The following ZZZ3 variants were observed in gnomAD, a reference collection of about 807,000 sequenced individuals.
ZZZ3 encodes the protein ZZ-type zinc finger-containing protein 3.
In ZZZ3, 22 loss-of-function variants were observed where a neutral mutation model predicts 95.2. The ratio of observed to expected loss-of-function variants is 0.23; its 90% confidence interval spans 0.17 to 0.33. The LOEUF (loss-of-function observed/expected upper bound fraction) is 0.33, where lower values mean the gene tolerates loss of function less well. Among genes scored for constraint, ZZZ3 ranks in the 10% least tolerant of loss-of-function variants. The pLI, the probability that ZZZ3 is intolerant of heterozygous loss-of-function variation, is 1.00. For missense variants in ZZZ3, 885 were observed against 1,066.5 expected (o/e 0.83, Z 2.37); for synonymous variants, 335 against 358.9 (o/e 0.93, Z 0.75).
chr1:77,671,634 T>G (rs1671792329), intron 1 of ZZZ3, among the ~76,000 whole-genome samples: 1 of 152,184 alleles, frequency 6.6e-6, no homozygotes, highest in African/African-American at 2.4e-5. Context: ...AGTAACCCTC[T>G]GTATAAGGTT....
intron 6 of ZZZ3, among the ~76,000 whole-genome samples, chr1:77,582,348 G>A (rs1258382622): frequency 5.3e-5 from 8 of 152,016 alleles, no homozygotes; most frequent in African/African-American, 1.9e-4. Flanking sequence ...ACCTAAGTAC[G>A]ACTTCTAGTT....
intron 5 of ZZZ3, among the ~76,000 whole-genome samples, chr1:77,606,130 C>G (rs1665209574): frequency 6.6e-6 from 1 of 152,124 alleles, no homozygotes; most frequent in African/African-American, 2.4e-5. Flanking sequence ...TGTTACTCCC[C>G]AACCTGGCAG....
intron 5 of ZZZ3, among the ~76,000 whole-genome samples, chr1:77,621,248 T>G (rs1458960384): frequency 2.0e-5 from 3 of 151,932 alleles, no homozygotes; most frequent in African/African-American, 7.3e-5. Flanking sequence ...ATCCCAAGAC[T>G]TTGGGAGGAT....
chr1:77,576,276 A>G, intron 11 of ZZZ3, 56 bp from the exon 12 acceptor site: 1 of 1,367,222 alleles, frequency 7.3e-7, no homozygotes, highest in Admixed American at 2.4e-5. Flanking sequence ...ACAAGAATCA[A>G]AAATATAAAA....
At chr1:77,565,843 A>T in intron 14 of ZZZ3, 59 bp from the exon 15 acceptor site, 1 of 1,493,772 alleles carries the variant, frequency 6.7e-7, no homozygotes, top group Non-Finnish European at 9.0e-7. Flanking sequence ...TAGTCTGTGT[A>T]TTACAAAGCT....
At chr1:77,653,862 A>T (rs751331752) in intron 1 of ZZZ3, among the ~76,000 whole-genome samples, 16 of 151,384 alleles carry the variant, frequency 1.1e-4, no homozygotes, top group Non-Finnish European at 1.6e-4. Flanking sequence ...CCCAAAACTC[A>T]CTCAAGAAAT....
chr1:77,645,326 T>C (rs993423926), intron 1 of ZZZ3: 1 of 152,246 alleles, frequency 6.6e-6, no homozygotes, highest in African/African-American at 2.4e-5. Flanking sequence ...AATTTCTAGC[T>C]GGGCACAGTC....
intron 12 of ZZZ3, among the ~76,000 whole-genome samples, chr1:77,572,020 T>A (rs1234152812): frequency 6.6e-6 from 1 of 152,208 alleles, no homozygotes; most frequent in Admixed American, 6.5e-5. Context: ...GGGACTAATA[T>A]CAAATGGAGC....
At chr1:77,587,953 TTC>T (rs1399684942) in intron 5 of ZZZ3, among the ~76,000 whole-genome samples, 4 of 152,234 alleles carry the variant, frequency 2.6e-5, no homozygotes, top group Non-Finnish European at 5.9e-5. Flanking sequence ...TAATAACATC[TTC>T]TGTTTTCTAG....
At chr1:77,641,940 T>C (rs916554323) in intron 1 of ZZZ3, among the ~76,000 whole-genome samples, 9 of 152,184 alleles carry the variant, frequency 5.9e-5, no homozygotes, top group Non-Finnish European at 1.2e-4. Flanking sequence ...TTCCTTTTCT[T>C]ACCACCAATA....
At chr1:77,605,213 A>G (rs1212969173) in intron 5 of ZZZ3, among the ~76,000 whole-genome samples, 1 of 152,194 alleles carries the variant, frequency 6.6e-6, no homozygotes, top group Non-Finnish European at 1.5e-5. Context: ...AGGCACAGAG[A>G]GAAAATCTAT....
At chr1:77,649,355 G>GA (rs1045055131) in intron 1 of ZZZ3, among the ~76,000 whole-genome samples, 7 of 151,742 alleles carry the variant, frequency 4.6e-5, no homozygotes, top group Non-Finnish European at 8.8e-5. Context: ...TTGACGTACT[G>GA]AAAAAAGTTG....
chr1:77,604,964 GA>G (rs1355437832), intron 5 of ZZZ3, among the ~76,000 whole-genome samples: 1 of 152,110 alleles, frequency 6.6e-6, no homozygotes, highest in African/African-American at 2.4e-5. Flanking sequence ...AAATCCTAAA[GA>G]GGGGCAGAGC....
At chr1:77,652,130 G>A (rs902968582) in intron 1 of ZZZ3, among the ~76,000 whole-genome samples, 2 of 151,730 alleles carry the variant, frequency 1.3e-5, no homozygotes, top group Non-Finnish European at 1.5e-5. Context: ...ACAGATAAAT[G>A]GGGATCATCA....
At chr1:77,665,675 T>C (rs924501464) in intron 1 of ZZZ3, among the ~76,000 whole-genome samples, 2 of 152,222 alleles carry the variant, frequency 1.3e-5, no homozygotes, top group South Asian at 2.1e-4. Flanking sequence ...GTCTCATTCA[T>C]TAAATTTAAA....
At chr1:77,565,952 T>C (rs1334868342) in intron 14 of ZZZ3, 129 bp downstream of exon 14, 2 of 1,113,012 alleles carry the variant, frequency 1.8e-6, no homozygotes, top group African/African-American at 1.6e-5. Context: ...ATTAATTGCC[T>C]AGAACAACAA....
chr1:77,593,040 A>G (rs1663871712), intron 5 of ZZZ3, among the ~76,000 whole-genome samples: 1 of 152,192 alleles, frequency 6.6e-6, no homozygotes, highest in African/African-American at 2.4e-5. Flanking sequence ...TCCTTTTGAC[A>G]GCTTAAAACA....
At chr1:77,572,000 T>G (rs368297489) in intron 12 of ZZZ3, among the ~76,000 whole-genome samples, 5 of 152,196 alleles carry the variant, frequency 3.3e-5, no homozygotes, top group African/African-American at 1.2e-4. Flanking sequence ...CACTTTAAAC[T>G]TACTTAAAGG....
At chr1:77,637,213 C>T (rs1668382099) in intron 4 of ZZZ3, among the ~76,000 whole-genome samples, 1 of 152,014 alleles carries the variant, frequency 6.6e-6, no homozygotes, top group South Asian at 2.1e-4. Context: ...TTATAAAATA[C>T]CCTTTAATTT....
Sources: gnomAD v4.1 joint callset for allele counts (sites outside exome capture counted in the v4.1 genomes callset) on GRCh38, gnomAD v4.1.1 for gene constraint, MANE v1.5 for transcripts, NCBI Gene and HGNC (gene_info 2026-07-23, HGNC 2026-07-21) for gene names.